The following CACNA1A variants were observed in gnomAD, a reference collection of about 807,000 sequenced individuals.
CACNA1A encodes the protein calcium voltage-gated channel subunit alpha1 A.
A neutral mutation model predicts 262.4 loss-of-function variants in CACNA1A; 57 were observed. The ratio of observed to expected loss-of-function variants is 0.22; its 90% confidence interval spans 0.18 to 0.27. The LOEUF is 0.27. Ranked by LOEUF, CACNA1A falls within the 10% of genes least tolerant of loss-of-function variation. The pLI, the probability that CACNA1A is intolerant of heterozygous loss-of-function variation, is 1.00. For missense variants in CACNA1A, 2,526 were observed against 3,562.8 expected, an observed-to-expected ratio of 0.71 and a Z score of 7.41; for synonymous variants, 1,431 against 1,419.3, an observed-to-expected ratio of 1.01 and a Z score of -0.18.
At chr19:13,218,396 C>G (rs945159384) in intron 38 of CACNA1A, among the ~76,000 whole-genome samples, 1 of 152,154 alleles carries the variant, frequency 6.6e-6, no homozygotes, top group Non-Finnish European at 1.5e-5. Flanking sequence ...AATAAAAACC[C>G]TGGGGCACCA....
At chr19:13,421,991 C>T (rs1402851200) in intron 3 of CACNA1A, among the ~76,000 whole-genome samples, 2 of 152,060 alleles carry the variant, frequency 1.3e-5, no homozygotes, top group Non-Finnish European at 2.9e-5. Context: ...CAAGGCTATC[C>T]AGTGACAGAA....
At chr19:13,210,515 G>T in intron 44 of CACNA1A, 102 bp downstream of exon 44, 1 of 1,031,728 alleles carries the variant, frequency 9.7e-7, no homozygotes, top group Admixed American at 2.4e-5. Context: ...AAGAAAGGGT[G>T]GGGTCCGGGG....
intron 38 of CACNA1A, among the ~76,000 whole-genome samples, chr19:13,218,054 G>T (rs1374270871): frequency 6.6e-6 from 1 of 151,048 alleles, no homozygotes; most frequent in Non-Finnish European, 1.5e-5. Flanking sequence ...GGGATTATAG[G>T]CATGAGTCAC....
In CACNA1A at chr19:13,304,174, G is replaced by C. The variant is rs77642801; in HGVS notation, c.1987-290C>G. ...CCTGTAACTCTGTCTTACTTGATGTGATTAAGGGGATTTGTTATGGACTAA... is the reference window on the plus strand; with the variant it reads ...CCTGTAACTCTGTCTTACTTGATGTCATTAAGGGGATTTGTTATGGACTAA... On this transcript the variant is annotated intron_variant, in intron 15 of 46. Transcript: ENST00000360228. 5.2e-3 allele frequency among the ~76,000 whole-genome samples: 793 copies of C among 152,192 alleles called. 7 individuals carry two copies. Among genetic ancestry groups the C allele is most frequent in the African/African-American group, 0.018 (755 of 41,512 alleles).
intron 26 of CACNA1A, 144 bp downstream of exon 26, chr19:13,261,306 A>G (rs1158844183): frequency 4.5e-6 from 3 of 666,392 alleles, no homozygotes; most frequent in Non-Finnish European, 5.0e-6. Context: ...CTTTCTACCC[A>G]AGATCCAAGC....
chr19:13,284,761 T>C (rs1172683665), intron 21 of CACNA1A, among the ~76,000 whole-genome samples: 2 of 152,236 alleles, frequency 1.3e-5, no homozygotes, highest in Non-Finnish European at 2.9e-5. Context: ...GATTTGTTTA[T>C]TTATGACAAA....
chr19:13,477,938 C>T (rs1978758128), intron 1 of CACNA1A, among the ~76,000 whole-genome samples: 1 of 152,204 alleles, frequency 6.6e-6, no homozygotes, highest in African/African-American at 2.4e-5. Context: ...TCGTGACAGT[C>T]ATCTTCTCAT....
intron 3 of CACNA1A, among the ~76,000 whole-genome samples, chr19:13,393,485 GT>G (rs149553421): frequency 8.7e-5 from 13 of 149,458 alleles, no homozygotes; most frequent in Admixed American, 7.4e-4. Context: ...CGTTGGTGCT[GT>G]TTTTTTTTCC....
At chr19:13,489,568 A>G (rs1419726741) in intron 1 of CACNA1A, among the ~76,000 whole-genome samples, 1 of 152,162 alleles carries the variant, frequency 6.6e-6, no homozygotes, top group African/African-American at 2.4e-5. Context: ...CATTGAGCCC[A>G]GCCTGGTCTG....
intron 1 of CACNA1A, among the ~76,000 whole-genome samples, chr19:13,483,728 C>T (rs1197807231): frequency 6.6e-6 from 1 of 152,076 alleles, no homozygotes; most frequent in Non-Finnish European, 1.5e-5. Context: ...GTTATCTGAT[C>T]CCTAGATCCA....
chr19:13,256,861 AG>A (rs1395250622), intron 28 of CACNA1A: 4 of 153,530 alleles, frequency 2.6e-5, no homozygotes, highest in Non-Finnish European at 5.8e-5. Flanking sequence ...CACTGATGTC[AG>A]AATGGATGTG....
chr19:13,250,322 A>C (rs1161661376), intron 30 of CACNA1A, among the ~76,000 whole-genome samples: 1 of 152,018 alleles, frequency 6.6e-6, no homozygotes, highest in Non-Finnish European at 1.5e-5. Flanking sequence ...AAGCTCCCAA[A>C]CTGCCGGGAT....
At chr19:13,468,576 C>T (rs564070689) in intron 1 of CACNA1A, among the ~76,000 whole-genome samples, 1 of 152,172 alleles carries the variant, frequency 6.6e-6, no homozygotes, top group Non-Finnish European at 1.5e-5. Flanking sequence ...CACTTCAGAT[C>T]AGGAGTTTGA....
chr19:13,336,611 G>GAGAGAGAGAGAGAT lies in CACNA1A; in HGVS notation c.979-703_979-702insATCTCTCTCTCTCT, dbSNP rs1180898459. 2.8e-5 allele frequency among the ~76,000 whole-genome samples: 4 copies of GAGAGAGAGAGAGAT among 142,852 alleles called. No homozygotes were observed. The East Asian group carries it at 1.9e-3, about 67-fold the overall frequency. 93.7% of individuals were successfully genotyped at this position (142,852 alleles called of 152,430 possible). A position where few individuals can be genotyped will look rare whatever the true frequency, so the allele number is the denominator to read the frequency against. On this transcript the variant is annotated intron_variant, in intron 6 of 46. Transcript: ENST00000360228. Reference sequence around the variant, plus strand: ...AGAGAGAGGGAGAGAGAGAGAGAGAGAGAGAGAGAGAGAGAGAGAGAGAGA... The same window carrying GAGAGAGAGAGAGAT: ...AGAGAGAGGGAGAGAGAGAGAGAGAGAGAGAGAGAGAGATAGAGAGAGAGAGAGAGAGAGAGAGA...
intron 3 of CACNA1A, among the ~76,000 whole-genome samples, chr19:13,411,789 A>G (rs2060114959): frequency 6.6e-6 from 1 of 151,832 alleles, no homozygotes; most frequent in East Asian, 1.9e-4. Context: ...ACAGCTCACT[A>G]CAGCCTCAAC....
chr19:13,255,895 TTC>T (rs1441498379), intron 28 of CACNA1A, among the ~76,000 whole-genome samples: 2 of 129,902 alleles, frequency 1.5e-5, no homozygotes, highest in African/African-American at 3.5e-5. Flanking sequence ...TTCGCTCCCT[TTC>T]TTTCTTCTTC....
chr19:13,245,082 G>T, intron 31 of CACNA1A, 100 bp downstream of exon 31: 1 of 983,002 alleles, frequency 1.0e-6, no homozygotes. Context: ...AAGCAGCTAT[G>T]GCTTCCGGGA....
chr19:13,412,169 T>C (rs2060121791), intron 3 of CACNA1A, among the ~76,000 whole-genome samples: 2 of 151,974 alleles, frequency 1.3e-5, no homozygotes, highest in Admixed American at 1.3e-4. Context: ...TGCAGACAAC[T>C]CCCAAATGAG....
At chr19:13,363,272 C>T (rs2059142666) in intron 5 of CACNA1A, 1 of 151,446 alleles carries the variant, frequency 6.6e-6, no homozygotes, top group Admixed American at 6.6e-5. Context: ...GGTTTCTCTG[C>T]TCACGGCTGA....
Sources: gnomAD v4.1 joint callset for allele counts (sites outside exome capture counted in the v4.1 genomes callset) on GRCh38, gnomAD v4.1.1 for gene constraint, MANE v1.5 for transcripts, NCBI Gene and HGNC (gene_info 2026-07-23, HGNC 2026-07-21) for gene names.